Variants in KCNJ10 observed in about 807,000 individuals in gnomAD.
KCNJ10 encodes the protein potassium inwardly rectifying channel subfamily J member 10.
A neutral mutation model predicts 22.2 loss-of-function variants in KCNJ10; 9 were observed. The observed-to-expected ratio is 0.40, with a 90% CI of 0.24 to 0.71. The LOEUF (loss-of-function observed/expected upper bound fraction) is 0.71. Among genes scored for constraint, KCNJ10 ranks in the 30% least tolerant of loss-of-function variants. KCNJ10 has a pLI of 0.35. For missense variants in KCNJ10, 337 were observed against 482.7 expected, an observed-to-expected ratio of 0.70 and a Z score of 2.83; for synonymous variants, 184 against 187.3, an observed-to-expected ratio of 0.98 and a Z score of 0.15.
At chr1:160,051,155 A>G (rs56282521) in intron 1 of KCNJ10, among the ~76,000 whole-genome samples, 17,271 of 150,912 alleles carry the variant, frequency 0.11, 1,201 homozygotes, top group Admixed American at 0.16. Context: ...ATTTCTTTAC[A>G]TCATGATCCA....
At chr1:160,062,941 G>A (rs143785574) in intron 1 of KCNJ10, among the ~76,000 whole-genome samples, 13 of 152,278 alleles carry the variant, frequency 8.5e-5, no homozygotes, top group African/African-American at 3.1e-4. Flanking sequence ...GGAAGCAGGG[G>A]TTAGGGACAA....
intron 1 of KCNJ10, among the ~76,000 whole-genome samples, chr1:160,051,892 C>G (rs1296350868): frequency 3.3e-5 from 5 of 152,100 alleles, no homozygotes. Flanking sequence ...CTTCTCACCT[C>G]CCTCTTTGCC....
chr1:160,057,425 A>T (rs1367659629), intron 1 of KCNJ10, among the ~76,000 whole-genome samples: 1 of 152,138 alleles, frequency 6.6e-6, no homozygotes, highest in African/African-American at 2.4e-5. Flanking sequence ...GATTTACTCT[A>T]GCCCCAGAAT....
At chr1:160,058,392 G>A (rs567038232) in intron 1 of KCNJ10, among the ~76,000 whole-genome samples, 88 of 152,326 alleles carry the variant, frequency 5.8e-4, no homozygotes, top group African/African-American at 1.9e-3. Context: ...GGAGTGCTTA[G>A]TAGGAGTGCC....
chr1:160,049,679 A>T (rs150718950), intron 1 of KCNJ10, among the ~76,000 whole-genome samples: 1,066 of 27,912 alleles, frequency 0.038, 5 homozygotes, highest in African/African-American at 0.062. Context: ...ATTTATTTAT[A>T]TATATATATA....
At position 160,061,371 on chromosome 1, in the gene KCNJ10, T is replaced by A. The variant is rs906074146; in HGVS notation, c.-1+8651A>T. Among the ~76,000 whole-genome samples, 6 of 152,206 alleles carry A rather than the reference T, an allele frequency of 3.9e-5. No homozygotes were observed. In the South Asian group the frequency reaches 6.2e-4, roughly 16 times the overall value. On this transcript the variant is annotated intron_variant, in intron 1 of 1. Transcript: ENST00000644903. The stretch of plus-strand genomic sequence containing the variant: ...CAGGAAGGGCTAGGAAATATCTATG[T>A]GCCCTGGGCAAATGCAAAGACGGAC...
chr1:160,066,244 A>G (rs1031685702), intron 1 of KCNJ10, among the ~76,000 whole-genome samples: 1 of 152,184 alleles, frequency 6.6e-6, no homozygotes, highest in Admixed American at 6.5e-5. Context: ...AAACTTGTGG[A>G]AAGCAGGGGC....
At position 160,039,926 on chromosome 1, in the gene KCNJ10, G is replaced by A. The variant is rs943900258; in HGVS notation, c.*1467C>T. On this transcript the variant is annotated 3_prime_UTR_variant, in exon 2 of 2. Coordinates refer to ENST00000644903, the MANE Select transcript of KCNJ10 (RefSeq NM_002241.5). The stretch of plus-strand genomic sequence containing the variant: ...CTCTGGTGCCTATATGCCCTTCCCT[G>A]ACCCTTACCACAGACCCCACCAGGG... The A allele has an allele frequency of 6.6e-6, 1 of 152,186 alleles. No homozygotes were observed. The highest frequency in any genetic ancestry group is 2.4e-5 in the African/African-American group (1 of 41,428). 9.4% of individuals were successfully genotyped at this position (152,186 alleles called of 1,614,324 possible).
At chr1:160,045,699 AAGGAACACTC>A (rs1279525034) in intron 1 of KCNJ10, among the ~76,000 whole-genome samples, 75 of 152,344 alleles carry the variant, frequency 4.9e-4, no homozygotes, top group African/African-American at 1.7e-3. Flanking sequence ...ATCCAGCATC[AAGGAACACTC>A]AGGATATGAG....
At chr1:160,065,567 A>T (rs1418369789) in intron 1 of KCNJ10, among the ~76,000 whole-genome samples, 2 of 152,140 alleles carry the variant, frequency 1.3e-5, no homozygotes, top group African/African-American at 4.8e-5. Flanking sequence ...ACAGGAGAAT[A>T]GAGATCTGCG....
intron 1 of KCNJ10, among the ~76,000 whole-genome samples, chr1:160,065,871 G>A (rs1024863878): frequency 1.3e-4 from 20 of 152,214 alleles, no homozygotes; most frequent in Admixed American, 5.9e-4. Flanking sequence ...GGAAGGAGTC[G>A]AGGAGAGAGG....
At chr1:160,068,591 C>T (rs896259230) in intron 1 of KCNJ10, among the ~76,000 whole-genome samples, 3 of 152,180 alleles carry the variant, frequency 2.0e-5, no homozygotes, top group Non-Finnish European at 4.4e-5. Context: ...TGGCATGATG[C>T]CTTCCATCCC....
chr1:160,053,698 C>G (rs1648957534), intron 1 of KCNJ10, among the ~76,000 whole-genome samples: 1 of 152,138 alleles, frequency 6.6e-6, no homozygotes, highest in Non-Finnish European at 1.5e-5. Flanking sequence ...GTCTCCTTCC[C>G]CCTTTCCCTC....
At chr1:160,063,826 G>C (rs951758851) in intron 1 of KCNJ10, among the ~76,000 whole-genome samples, 1 of 152,260 alleles carries the variant, frequency 6.6e-6, no homozygotes, top group Non-Finnish European at 1.5e-5. Flanking sequence ...ACAATGCGCA[G>C]TGGATTCAGG....
chr1:160,046,739 A>G (rs1648749850), intron 1 of KCNJ10, among the ~76,000 whole-genome samples: 1 of 152,164 alleles, frequency 6.6e-6, no homozygotes, highest in African/African-American at 2.4e-5. Context: ...ATAAACAATC[A>G]GCTACACTCC....
At chr1:160,058,808 C>CCGAGA (rs1649110124) in intron 1 of KCNJ10, among the ~76,000 whole-genome samples, 1 of 152,228 alleles carries the variant, frequency 6.6e-6, no homozygotes, top group African/African-American at 2.4e-5. Flanking sequence ...CAAAACCTCT[C>CCGAGA]GGTTCTTGAA....
At position 160,037,704 on chromosome 1, in the gene KCNJ10, T is replaced by G. The variant is rs1257648499; in HGVS notation, c.*3689A>C. On this transcript the variant is annotated 3_prime_UTR_variant, in exon 2 of 2. Transcript: ENST00000644903. ...TGTGTTACTGTACAAGTGAACTAGGTTAGCTAGCAAGAATAAAGGACCAGG... is the reference window on the plus strand; with the variant it reads ...TGTGTTACTGTACAAGTGAACTAGGGTAGCTAGCAAGAATAAAGGACCAGG... 1 of 152,204 alleles carries G rather than the reference T, an allele frequency of 6.6e-6. No individual in the cohort carries two copies. The highest frequency in any genetic ancestry group is 6.5e-5 in the Admixed American group (1 of 15,272). 9.4% of individuals were successfully genotyped at this position (152,204 alleles called of 1,614,324 possible). A position where few individuals can be genotyped will look rare whatever the true frequency, so the allele number is the denominator to read the frequency against.
rs1057523361 is a variant in KCNJ10 at position 160,042,386 on chromosome 1, G to A, written c.147C>T (p.Phe49=). The change falls in exon 2 of 2, where the codon TTC becomes TTT. Residue 49 remains phenylalanine, a synonymous_variant. Coordinates refer to ENST00000644903, the MANE Select transcript of KCNJ10 (RefSeq NM_002241.5). The part of the protein sequence containing the change: ...VRMEHIADKR[F]LYLKDLWTTF... ...TTGTCCACAGGTCCTTGAGGTAGAG[G>A]AAGCGCTTGTCGGCAATGTGCTCCA... The A allele has an allele frequency of 1.2e-6, 2 of 1,614,132 alleles. No homozygotes were observed. Among genetic ancestry groups the A allele is most frequent in the Non-Finnish European group, 1.7e-6 (2 of 1,179,948 alleles).
chr1:160,054,969 C>A (rs1419697520), intron 1 of KCNJ10, among the ~76,000 whole-genome samples: 1 of 152,170 alleles, frequency 6.6e-6, no homozygotes, highest in African/African-American at 2.4e-5. Context: ...CCACCCCATG[C>A]GGAAGACTGA....
Sources: gnomAD v4.1 joint callset for allele counts (sites outside exome capture counted in the v4.1 genomes callset) on GRCh38, gnomAD v4.1.1 for gene constraint, MANE v1.5 for transcripts, NCBI Gene and HGNC (gene_info 2026-07-23, HGNC 2026-07-21) for gene names.